Variants in PLEKHM3 observed in about 807,000 individuals in gnomAD.
PLEKHM3 encodes pleckstrin homology domain-containing family M member 3.
In PLEKHM3, 45 loss-of-function variants were observed where a neutral mutation model predicts 81.8. That is an observed-to-expected ratio of 0.55 (90% CI 0.43 to 0.71). The LOEUF (loss-of-function observed/expected upper bound fraction) is 0.71, where lower values mean the gene tolerates loss of function less well. PLEKHM3 is among the 30% of genes least tolerant of loss of function. PLEKHM3 has a pLI of 0.00. For synonymous variants in PLEKHM3, 352 were observed against 356.4 expected (o/e 0.99, Z 0.14); for missense variants, 788 against 924.3 (o/e 0.85, Z 1.91).
chr2:207,913,955 G>A (rs1240758368), intron 5 of PLEKHM3, among the ~76,000 whole-genome samples: 1 of 151,734 alleles, frequency 6.6e-6, no homozygotes, highest in East Asian at 1.9e-4. Context: ...ACACTCCCCT[G>A]ACCGCGCGTG....
At chr2:207,918,497 G>A (rs1689071521) in intron 5 of PLEKHM3, among the ~76,000 whole-genome samples, 1 of 152,118 alleles carries the variant, frequency 6.6e-6, no homozygotes, top group Non-Finnish European at 1.5e-5. Context: ...GCTGCAGCCT[G>A]GGTGGCAAAG....
intron 3 of PLEKHM3, among the ~76,000 whole-genome samples, chr2:207,966,734 TA>T (rs1284718788): frequency 6.6e-6 from 1 of 151,948 alleles, no homozygotes; most frequent in African/African-American, 2.4e-5. Flanking sequence ...TTTTTATGTC[TA>T]GTAGAGATGG....
chr2:207,935,395 C>A (rs1375316860), intron 4 of PLEKHM3, among the ~76,000 whole-genome samples: 1 of 152,074 alleles, frequency 6.6e-6, no homozygotes, highest in Non-Finnish European at 1.5e-5. Context: ...CCCGGACCCC[C>A]ACTCACCAAC....
At chr2:207,920,673 A>G (rs1228702686) in intron 5 of PLEKHM3, among the ~76,000 whole-genome samples, 1 of 143,982 alleles carries the variant, frequency 6.9e-6, no homozygotes, top group African/African-American at 2.6e-5. Flanking sequence ...TTTTTTTAGT[A>G]TTACTATGTT....
chr2:208,009,973 T>C (rs1179210195), intron 1 of PLEKHM3, among the ~76,000 whole-genome samples: 2 of 152,196 alleles, frequency 1.3e-5, no homozygotes, highest in Admixed American at 6.5e-5. Flanking sequence ...AAAAATAATA[T>C]GGCAAAGATC....
intron 6 of PLEKHM3, among the ~76,000 whole-genome samples, chr2:207,897,383 T>C (rs1688260796): frequency 6.6e-6 from 1 of 152,148 alleles, no homozygotes; most frequent in African/African-American, 2.4e-5. Flanking sequence ...GCAACACTAA[T>C]AGCAATACTC....
At chr2:208,020,787 T>C (rs1168897403) in intron 1 of PLEKHM3, among the ~76,000 whole-genome samples, 1 of 152,224 alleles carries the variant, frequency 6.6e-6, no homozygotes. Flanking sequence ...AAATCAGCCT[T>C]TGGCCAGCAA....
chr2:207,991,179 C>G (rs1002247595), intron 2 of PLEKHM3, among the ~76,000 whole-genome samples: 7 of 152,224 alleles, frequency 4.6e-5, no homozygotes, highest in African/African-American at 1.7e-4. Flanking sequence ...ACCTTTCAAA[C>G]CATGCTTATT....
chr2:208,012,211 T>A (rs1358512519), intron 1 of PLEKHM3, among the ~76,000 whole-genome samples: 1 of 152,010 alleles, frequency 6.6e-6, no homozygotes, highest in Non-Finnish European at 1.5e-5. Flanking sequence ...CCGGCTAATT[T>A]TTTTGTATTT....
chr2:207,955,233 T>C (rs1383436219), intron 3 of PLEKHM3, among the ~76,000 whole-genome samples: 1 of 152,204 alleles, frequency 6.6e-6, no homozygotes, highest in Non-Finnish European at 1.5e-5. Context: ...TGGTGTAAGA[T>C]AAGTTTAATA....
intron 1 of PLEKHM3, among the ~76,000 whole-genome samples, chr2:208,015,565 A>G (rs1692877126): frequency 6.6e-6 from 1 of 152,226 alleles, no homozygotes; most frequent in Admixed American, 6.5e-5. Flanking sequence ...CAAACACAGT[A>G]AAAAGTTGTT....
chr2:208,021,560 A>G (rs894422929), intron 1 of PLEKHM3, among the ~76,000 whole-genome samples: 2 of 152,234 alleles, frequency 1.3e-5, no homozygotes, highest in Non-Finnish European at 2.9e-5. Flanking sequence ...TGACTGTACA[A>G]TGTTTTATAG....
rs551023596 is a variant in PLEKHM3 at position 207,984,280 on chromosome 2, C to T, written c.611-6694G>A. Among the ~76,000 whole-genome samples the T allele has an allele frequency of 2.0e-5, 3 of 152,300 alleles. No homozygotes were observed. In the South Asian group the frequency reaches 6.2e-4, roughly 32 times the overall value. Reference sequence around the variant, plus strand: ...AAATACTTCAGGGTATATTTCTAGTCTAACAGATAAGATCTTTAAAATATA... The same window carrying T: ...AAATACTTCAGGGTATATTTCTAGTTTAACAGATAAGATCTTTAAAATATA... On this transcript the variant is annotated intron_variant, in intron 2 of 7. Coordinates refer to ENST00000427836, the MANE Select transcript of PLEKHM3 (RefSeq NM_001080475.3).
rs560468856 is a variant in PLEKHM3, at chr2:207,843,256, C to G, written c.2109-14760G>C. The stretch of plus-strand genomic sequence containing the variant: ...CTCCCAAAGTGTTGAGCCACCGCAC[C>G]AGGGGCTTTTCCTTTTCATTGTCTT... On this transcript the variant is annotated intron_variant, in intron 7 of 7. Coordinates refer to ENST00000427836, the MANE Select transcript of PLEKHM3 (RefSeq NM_001080475.3). This position sits in a 1 kb window ranked among gnomAD's most constrained non-coding sequence, Gnocchi z 4.4. 1.1e-4 allele frequency among the ~76,000 whole-genome samples: 17 copies of G among 152,260 alleles called. No individual in the cohort carries two copies. The South Asian group carries it at 3.5e-3, about 32-fold the overall frequency.
At chr2:207,839,341 T>C (rs1044907711) in intron 7 of PLEKHM3, among the ~76,000 whole-genome samples, 2 of 151,912 alleles carry the variant, frequency 1.3e-5, no homozygotes, top group African/African-American at 4.8e-5. Flanking sequence ...CATTAGAAAA[T>C]GCAAAAAGTC....
At chr2:207,915,530 A>G (rs2105912251) in intron 5 of PLEKHM3, among the ~76,000 whole-genome samples, 1 of 152,310 alleles carries the variant, frequency 6.6e-6, no homozygotes. Context: ...AGATTTGATA[A>G]TATTACCATT....
At chr2:207,923,450 A>C (rs1211884564) in intron 5 of PLEKHM3, among the ~76,000 whole-genome samples, 1 of 151,838 alleles carries the variant, frequency 6.6e-6, no homozygotes, top group East Asian at 1.9e-4. Flanking sequence ...TCTACAAAAA[A>C]CACAAAATTA....
chr2:208,014,836 C>T (rs1396996954), intron 1 of PLEKHM3, among the ~76,000 whole-genome samples: 1 of 152,152 alleles, frequency 6.6e-6, no homozygotes, highest in Non-Finnish European at 1.5e-5. Context: ...GATTGTTTTG[C>T]TCTGACATTA....
Position 207,976,885 on chromosome 2 carries a change from C to T in PLEKHM3, c.1312G>A (p.Ala438Thr). The T allele has an allele frequency of 6.2e-7, 1 of 1,614,230 alleles. No homozygotes were observed. The change falls in exon 3 of 8, where the codon GCT (alanine) becomes ACT (threonine). Residue 438 changes from alanine (A) to threonine (T), a missense_variant. Physicochemically the swap from Ala to Thr is moderately conservative, Grantham distance 58. Transcript: ENST00000427836. The surrounding 1 kb of genome is among the most constrained non-coding windows in gnomAD (Gnocchi z 4.1). ...IFPQDVLRLR[A>T]ETRQRAQEWM... ...TCCTGAGCCCTCTGTCGGGTCTCAG[C>T]TCGGAGGCGAAGGACATCCTGGGGG...
Sources: gnomAD v4.1 joint callset for allele counts (sites outside exome capture counted in the v4.1 genomes callset) on GRCh38, gnomAD v4.1.1 for gene constraint, Gnocchi (gnomAD v3.1) non-coding constraint, MANE v1.5 for transcripts, NCBI Gene and HGNC (gene_info 2026-07-23, HGNC 2026-07-21) for gene names.